The following ZNF407 variants were observed in gnomAD, a reference collection of about 807,000 sequenced individuals.
ZNF407 encodes the protein zinc finger protein 407.
A neutral mutation model predicts 131.2 loss-of-function variants in ZNF407; 17 were observed. That is an observed-to-expected ratio of 0.13 (90% CI 0.09 to 0.19). The LOEUF (loss-of-function observed/expected upper bound fraction) is 0.19, where lower values mean the gene tolerates loss of function less well. Ranked by LOEUF, ZNF407 falls within the 10% of genes least tolerant of loss-of-function variation. The pLI is 1.00. For missense variants in ZNF407, 2,681 were observed against 2,830.6 expected (o/e 0.95, Z 1.20); for synonymous variants, 1,156 against 1,062.0 (o/e 1.09, Z -1.72).
At chr18:74,925,012 T>C (rs1396373429) in intron 8 of ZNF407, among the ~76,000 whole-genome samples, 2 of 152,204 alleles carry the variant, frequency 1.3e-5, no homozygotes, top group Non-Finnish European at 2.9e-5. Flanking sequence ...TCTGAGACCT[T>C]AAATGTGGTA....
At chr18:74,942,068 C>A (rs539116684) in intron 8 of ZNF407, among the ~76,000 whole-genome samples, 4 of 151,926 alleles carry the variant, frequency 2.6e-5, no homozygotes, top group African/African-American at 9.7e-5. Flanking sequence ...CTGCCATGCC[C>A]TCATTAAATT....
At chr18:74,892,690 T>G (rs1357750289) in intron 7 of ZNF407, among the ~76,000 whole-genome samples, 1 of 152,202 alleles carries the variant, frequency 6.6e-6, no homozygotes. Flanking sequence ...CAAAAATCAA[T>G]TTTTGGATAA....
chr18:74,901,016 A>C, intron 7 of ZNF407, among the ~76,000 whole-genome samples: 1 of 152,152 alleles, frequency 6.6e-6, no homozygotes, highest in East Asian at 1.9e-4. Flanking sequence ...TAGTGTGTGT[A>C]TAATGTGAAC....
At chr18:74,760,631 G>A (rs575749359) in intron 3 of ZNF407, among the ~76,000 whole-genome samples, 122 of 152,230 alleles carry the variant, frequency 8.0e-4, no homozygotes, top group African/African-American at 2.8e-3. Context: ...AGTGAGTTGT[G>A]AGTCAAGTCA....
At chr18:75,033,291 G>C (rs887764497) in intron 8 of ZNF407, among the ~76,000 whole-genome samples, 2 of 151,822 alleles carry the variant, frequency 1.3e-5, no homozygotes, top group African/African-American at 4.8e-5. Flanking sequence ...TGCTCAGAAT[G>C]GGGGGAAGAT....
intron 7 of ZNF407, among the ~76,000 whole-genome samples, chr18:74,909,667 T>C (rs1971642562): frequency 6.6e-6 from 1 of 152,184 alleles, no homozygotes; most frequent in Non-Finnish European, 1.5e-5. Context: ...ACACTTGTAC[T>C]TACGGTTTTT....
chr18:74,871,168 G>C (rs531781848), intron 4 of ZNF407, among the ~76,000 whole-genome samples: 1 of 152,122 alleles, frequency 6.6e-6, no homozygotes, highest in African/African-American at 2.4e-5. Flanking sequence ...GGCAGTGCTC[G>C]TCCCTGTGTG....
At chr18:74,612,976 TAGTA>T (rs1457938299) in intron 1 of ZNF407, among the ~76,000 whole-genome samples, 1 of 152,228 alleles carries the variant, frequency 6.6e-6, no homozygotes, top group Non-Finnish European at 1.5e-5. Flanking sequence ...TTAAAAATCT[TAGTA>T]AGTTTTTTTT....
At chr18:74,720,409 G>A (rs551918943) in intron 3 of ZNF407, among the ~76,000 whole-genome samples, 37 of 150,730 alleles carry the variant, frequency 2.5e-4, no homozygotes, top group African/African-American at 8.5e-4. Context: ...TTAATCCCTC[G>A]TTGGATAAGT....
chr18:74,792,844 T>G lies in ZNF407; in HGVS notation c.4877+11342T>G, dbSNP rs534447793. 5.3e-5 allele frequency among the ~76,000 whole-genome samples: 8 copies of G among 152,312 alleles called. 1 individual carries two copies. In the South Asian group the frequency reaches 1.7e-3, roughly 32 times the overall value. Reference sequence around the variant, plus strand: ...TCAATAAAAGCCAGGCTGCTCTGGTTGAAGCTGGAAGAGGGTCACAAAGAC... The same window carrying G: ...TCAATAAAAGCCAGGCTGCTCTGGTGGAAGCTGGAAGAGGGTCACAAAGAC... On this transcript the variant is annotated intron_variant, in intron 4 of 8. Coordinates refer to ENST00000299687, the MANE Select transcript of ZNF407 (RefSeq NM_017757.3).
intron 3 of ZNF407, among the ~76,000 whole-genome samples, chr18:74,663,615 CAGG>C (rs967189059): frequency 5.9e-5 from 9 of 152,098 alleles, no homozygotes; most frequent in African/African-American, 2.2e-4. Context: ...GATAATATTT[CAGG>C]AGTTTAAAGG....
chr18:74,737,674 C>T (rs537943498), intron 3 of ZNF407, among the ~76,000 whole-genome samples: 25 of 152,190 alleles, frequency 1.6e-4, no homozygotes, highest in Non-Finnish European at 2.5e-4. Flanking sequence ...ACCACAGATG[C>T]GTGTGTATAT....
chr18:74,921,650 G>A (rs1172141255), intron 8 of ZNF407, among the ~76,000 whole-genome samples: 1 of 152,202 alleles, frequency 6.6e-6, no homozygotes, highest in Non-Finnish European at 1.5e-5. Flanking sequence ...TAGGGTCATT[G>A]TGAGAATTTA....
At chr18:74,598,481 T>G (rs1458999475) in intron 1 of ZNF407, 1 of 152,276 alleles carries the variant, frequency 6.6e-6, no homozygotes, top group African/African-American at 2.4e-5. Flanking sequence ...GCTGCAAGCT[T>G]TAGCGTCTGG....
chr18:75,046,145 G>A (rs2122251047), intron 8 of ZNF407, among the ~76,000 whole-genome samples: 1 of 151,434 alleles, frequency 6.6e-6, no homozygotes, highest in African/African-American at 2.4e-5. Flanking sequence ...TTTTTAGTCT[G>A]CATAACACAG....
intron 7 of ZNF407, among the ~76,000 whole-genome samples, chr18:74,904,824 A>G (rs546000159): frequency 1.8e-4 from 27 of 152,332 alleles, no homozygotes; most frequent in African/African-American, 6.3e-4. Context: ...ATCTCATATG[A>G]TAAATATATC....
At chr18:74,686,943 T>A (rs1227045669) in intron 3 of ZNF407, among the ~76,000 whole-genome samples, 3 of 152,232 alleles carry the variant, frequency 2.0e-5, no homozygotes, top group Non-Finnish European at 4.4e-5. Context: ...ACGTATTAGG[T>A]ACCCGTACTT....
At chr18:74,618,617 T>G (rs1016180610) in intron 1 of ZNF407, among the ~76,000 whole-genome samples, 3 of 152,208 alleles carry the variant, frequency 2.0e-5, no homozygotes, top group Non-Finnish European at 4.4e-5. Context: ...GTCATTATTC[T>G]CCATTGCTTC....
At chr18:75,054,077 T>C (rs1012260789) in intron 8 of ZNF407, among the ~76,000 whole-genome samples, 49 of 152,262 alleles carry the variant, frequency 3.2e-4, no homozygotes, top group African/African-American at 1.2e-3. Flanking sequence ...GGAGGTCTCC[T>C]GGCACACACC....
Sources: gnomAD v4.1 joint callset for allele counts (sites outside exome capture counted in the v4.1 genomes callset) on GRCh38, gnomAD v4.1.1 for gene constraint, MANE v1.5 for transcripts, NCBI Gene and HGNC (gene_info 2026-07-23, HGNC 2026-07-21) for gene names.